WDR37: variants seen among roughly 807,000 people sequenced by gnomAD.
WDR37 encodes the protein WD repeat-containing protein 37.
In WDR37, 19 loss-of-function variants were observed where a neutral mutation model predicts 62.9. That is an observed-to-expected ratio of 0.30 (90% CI 0.21 to 0.44). The LOEUF is 0.44. Ranked by LOEUF, WDR37 falls within the 20% of genes least tolerant of loss-of-function variation. The probability of loss-of-function intolerance (pLI) is 1.00; values close to 1 mark genes in which losing one functional copy is unlikely to be tolerated. For synonymous variants in WDR37, 250 were observed against 260.9 expected (o/e 0.96, Z 0.40); for missense variants, 474 against 657.6 (o/e 0.72, Z 3.05).
intron 1 of WDR37, among the ~76,000 whole-genome samples, chr10:1,066,401 C>A (rs1302542283): frequency 1.3e-5 from 2 of 152,202 alleles, no homozygotes; most frequent in Non-Finnish European, 2.9e-5. Context: ...TAGGCGTGAG[C>A]CACCTCGCCC....
intron 8 of WDR37, among the ~76,000 whole-genome samples, chr10:1,094,197 T>C (rs1010332861): frequency 1.3e-5 from 2 of 152,216 alleles, no homozygotes; most frequent in African/African-American, 4.8e-5. Flanking sequence ...ACATTCAGGC[T>C]CTGTCGCCAG....
chr10:1,101,636 C>T (rs1192077172), intron 9 of WDR37, among the ~76,000 whole-genome samples: 2 of 152,174 alleles, frequency 1.3e-5, no homozygotes, highest in African/African-American at 4.8e-5. Flanking sequence ...TGCCGACAGC[C>T]GTCTGGTGAT....
chr10:1,073,844 C>G (rs1833792189), intron 2 of WDR37, among the ~76,000 whole-genome samples: 1 of 152,158 alleles, frequency 6.6e-6, no homozygotes, highest in Admixed American at 6.5e-5. Flanking sequence ...TACTGGAGGG[C>G]CTTCCTTTAT....
chr10:1,120,415 T>C (rs1835540920), intron 11 of WDR37, among the ~76,000 whole-genome samples: 1 of 152,218 alleles, frequency 6.6e-6, no homozygotes, highest in Non-Finnish European at 1.5e-5. Flanking sequence ...TGGGGTGTCC[T>C]TTGGTTACTT....
chr10:1,079,930 C>T, intron 3 of WDR37, 81 bp from the exon 4 acceptor site: 8 of 1,145,278 alleles, frequency 7.0e-6, no homozygotes, highest in African/African-American at 3.1e-5. Flanking sequence ...AGCATTTTTT[C>T]TGTGTGCGAG....
At chr10:1,087,065 G>A (rs894154948) in intron 7 of WDR37, among the ~76,000 whole-genome samples, 7 of 152,342 alleles carry the variant, frequency 4.6e-5, no homozygotes, top group South Asian at 2.1e-4. Flanking sequence ...CTGTCTGCCC[G>A]TCCACAGGGC....
chr10:1,124,540 G>T (rs560338087), intron 12 of WDR37, among the ~76,000 whole-genome samples, 188 bp downstream of exon 12: 2 of 152,142 alleles, frequency 1.3e-5, no homozygotes, highest in African/African-American at 4.8e-5. Flanking sequence ...AACCAGGTTG[G>T]ATCAGTGAGA....
rs1288840396 is a variant in WDR37, at chr10:1,124,369, G to T, written c.1238+17G>T. On this transcript the variant is annotated intron_variant, in intron 12 of 13. Coordinates refer to ENST00000263150, the MANE Select transcript of WDR37 (RefSeq NM_014023.4). Reference sequence around the variant, plus strand: ...CATTAACAGGTAAAGTCAAACTGTTGGTTAAGTAAGTGGCTTAGTTTGATG... The same window carrying T: ...CATTAACAGGTAAAGTCAAACTGTTTGTTAAGTAAGTGGCTTAGTTTGATG... 1.9e-6 allele frequency: 3 copies of T among 1,613,918 alleles called. No individual in the cohort carries two copies. In the South Asian group the frequency reaches 3.3e-5, roughly 18 times the overall value.
At position 1,114,592 on chromosome 10, in the gene WDR37, G is replaced by A. The variant is rs376862692; in HGVS notation, c.1103+9325G>A. Reference sequence around the variant, plus strand: ...TGTGGCTATGGCTTCTGTATGCACCGGAAAACCAGACAGCTCTTGTGATCC... The same window carrying A: ...TGTGGCTATGGCTTCTGTATGCACCAGAAAACCAGACAGCTCTTGTGATCC... On this transcript the variant is annotated intron_variant, in intron 11 of 13. Transcript: ENST00000263150. 3.9e-5 allele frequency among the ~76,000 whole-genome samples: 6 copies of A among 152,136 alleles called. No individual in the cohort carries two copies. The East Asian group carries it at 5.8e-4, about 15-fold the overall frequency.
intron 7 of WDR37, among the ~76,000 whole-genome samples, chr10:1,090,618 C>T (rs1397841755): frequency 8.8e-6 from 1 of 113,918 alleles, no homozygotes; most frequent in Admixed American, 9.6e-5. Context: ...ACAGCAGACT[C>T]CCCGCTCTGG....
intron 1 of WDR37, among the ~76,000 whole-genome samples, chr10:1,057,324 G>GGCCCGGGGCGGCGGTGGAGT (rs796768857): frequency 6.6e-6 from 1 of 152,138 alleles, no homozygotes; most frequent in South Asian, 2.1e-4. Flanking sequence ...GGCGCTGGAG[G>GGCCCGGGGCGGCGGTGGAGT]GGTTGGGGGC....
At chr10:1,088,977 AG>A (rs1834293882) in intron 7 of WDR37, among the ~76,000 whole-genome samples, 1 of 152,150 alleles carries the variant, frequency 6.6e-6, no homozygotes. Flanking sequence ...CAGCAGATAG[AG>A]TGGACGGCAA....
chr10:1,094,465 T>G (rs941292697), intron 8 of WDR37, among the ~76,000 whole-genome samples: 6 of 152,182 alleles, frequency 3.9e-5, no homozygotes, highest in Non-Finnish European at 7.3e-5. Context: ...TTGGAGTTTC[T>G]ATGTGAGAGA....
At chr10:1,064,546 T>A (rs1002049886) in intron 1 of WDR37, among the ~76,000 whole-genome samples, 1 of 149,804 alleles carries the variant, frequency 6.7e-6, no homozygotes, top group Admixed American at 6.6e-5. Context: ...AGATACCACT[T>A]GACCTGTAGT....
At chr10:1,063,277 G>T (rs929469274) in intron 1 of WDR37, among the ~76,000 whole-genome samples, 5 of 152,184 alleles carry the variant, frequency 3.3e-5, no homozygotes, top group Non-Finnish European at 7.3e-5. Flanking sequence ...AGAAAAGCCT[G>T]CTCTCTGTGT....
At chr10:1,110,498 G>C (rs1037405233) in intron 11 of WDR37, among the ~76,000 whole-genome samples, 1 of 152,220 alleles carries the variant, frequency 6.6e-6, no homozygotes, top group Admixed American at 6.5e-5. Flanking sequence ...TTACAAATGT[G>C]TAGAGCTGTG....
intron 7 of WDR37, among the ~76,000 whole-genome samples, chr10:1,090,630 C>A (rs556512723): frequency 5.3e-5 from 8 of 152,254 alleles, no homozygotes; most frequent in African/African-American, 1.9e-4. Context: ...CCGCTCTGGC[C>A]CCCAGGAGAG....
chr10:1,126,374 C>G lies in WDR37; in HGVS notation c.1353+1350C>G, dbSNP rs372900960. 5.7e-3 allele frequency among the ~76,000 whole-genome samples: 855 copies of G among 150,108 alleles called. 5 individuals are homozygous for G. The highest frequency in any genetic ancestry group is 8.6e-3 in the Non-Finnish European group (578 of 67,410). ...TGAGCTGAGATCGCGCCACTGCACTCCAGCCTGGGCGACAGAGCGAGACTG... is the reference window on the plus strand; with the variant it reads ...TGAGCTGAGATCGCGCCACTGCACTGCAGCCTGGGCGACAGAGCGAGACTG... On this transcript the variant is annotated intron_variant, in intron 13 of 13. Coordinates refer to ENST00000263150, the MANE Select transcript of WDR37 (RefSeq NM_014023.4).
intron 5 of WDR37, 32 bp from the exon 6 acceptor site, chr10:1,084,371 T>C (rs1427657548): frequency 1.3e-6 from 2 of 1,593,408 alleles, no homozygotes; most frequent in Non-Finnish European, 1.7e-6. Context: ...CTTCAGTAAA[T>C]TGTTTCACAA....
Sources: gnomAD v4.1 joint callset for allele counts (sites outside exome capture counted in the v4.1 genomes callset) on GRCh38, gnomAD v4.1.1 for gene constraint, MANE v1.5 for transcripts, NCBI Gene and HGNC (gene_info 2026-07-23, HGNC 2026-07-21) for gene names.